The following AASDHPPT variants were observed in gnomAD, a reference collection of about 807,000 sequenced individuals.
AASDHPPT encodes the protein aminoadipate-semialdehyde dehydrogenase-phosphopantetheinyl transferase.
A neutral mutation model predicts 36.4 loss-of-function variants in AASDHPPT; 23 were observed. That is an observed-to-expected ratio of 0.63 (90% CI 0.45 to 0.89). The LOEUF is 0.89. Ranked by LOEUF, AASDHPPT falls within the 40% of genes least tolerant of loss-of-function variation. AASDHPPT has a pLI of 0.00. For synonymous variants in AASDHPPT, 115 were observed against 128.0 expected (o/e 0.90, Z 0.68); for missense variants, 377 against 378.2 (o/e 1.00, Z 0.03).
chr11:106,094,470 G>T, intron 4 of AASDHPPT, 113 bp from the exon 5 acceptor site: 1 of 718,022 alleles, frequency 1.4e-6, no homozygotes. Flanking sequence ...GTGAGTGTAC[G>T]TATATGTATA....
At position 106,077,817 on chromosome 11, in the gene AASDHPPT, C is replaced by A. The variant is rs758287602; in HGVS notation, c.107C>A (p.Ala36Glu). The change falls in exon 1 of 6, where the codon GCA (alanine) becomes GAA (glutamate). Residue 36 changes from alanine (A) to glutamate (E), a missense_variant. Ala to Glu is a moderately radical substitution (Grantham distance 107). Transcript: ENST00000278618. Reference protein sequence around the residue: ...WLPSRAEWLLAVRSIQPEEKE... With the variant: ...WLPSRAEWLLEVRSIQPEEKE... ...CCGAGCCGAGCCGAATGGCTGCTGG[C>A]AGTGCGATCGATTCAGCCCGAGGAG... The A allele has an allele frequency of 2.5e-6, 4 of 1,614,218 alleles. No homozygotes were observed. The highest frequency in any genetic ancestry group is 1.7e-6 in the Non-Finnish European group (2 of 1,180,012).
intron 1 of AASDHPPT, 141 bp downstream of exon 1, chr11:106,078,034 C>T (rs1250527972): frequency 7.0e-6 from 8 of 1,147,150 alleles, no homozygotes; most frequent in Non-Finnish European, 9.6e-6. Flanking sequence ...CGACAGCAGC[C>T]GGCGCTGCGG....
chr11:106,086,055 A>AGGGTACGCGAATGT (rs1861193848), intron 2 of AASDHPPT: 1 of 152,208 alleles, frequency 6.6e-6, no homozygotes. Flanking sequence ...AAAACTCCGA[A>AGGGTACGCGAATGT]GGGTACGCGA....
At chr11:106,083,854 ATTC>A (rs1315397143) in intron 2 of AASDHPPT, among the ~76,000 whole-genome samples, 3 of 152,152 alleles carry the variant, frequency 2.0e-5, no homozygotes, top group Non-Finnish European at 4.4e-5. Flanking sequence ...CTTTTTATGA[ATTC>A]TTTTCAAACG....
In AASDHPPT at chr11:106,097,038, A is replaced by G; in HGVS notation, c.*131A>G. 2.3e-6 allele frequency: 1 copy of G among 436,512 alleles called. No homozygotes were observed. Among genetic ancestry groups the G allele is most frequent in the Non-Finnish European group, 3.4e-6 (1 of 297,680 alleles). The allele number at this position is 436,512 out of a possible 1,614,324, so 27.0% of individuals were successfully genotyped here. A position where few individuals can be genotyped will look rare whatever the true frequency, so the allele number is the denominator to read the frequency against. ...TTAAAGAACAGAAACTTTTCCAATT[A>G]AAAAAAAAAAGCAGACTTCTGGTTC... On this transcript the variant is annotated 3_prime_UTR_variant, in exon 6 of 6. Transcript: ENST00000278618.
At chr11:106,078,517 A>G (rs1339316063) in intron 1 of AASDHPPT, among the ~76,000 whole-genome samples, 2 of 152,146 alleles carry the variant, frequency 1.3e-5, no homozygotes, top group African/African-American at 4.8e-5. Flanking sequence ...TTTCAAAACA[A>G]GTAATCTGTA....
intron 2 of AASDHPPT, among the ~76,000 whole-genome samples, chr11:106,082,002 T>TATA (rs535433959): frequency 5.3e-5 from 8 of 150,344 alleles, no homozygotes; most frequent in East Asian, 1.9e-4. Flanking sequence ...GAACTTAAAG[T>TATA]ATAATAATAA....
chr11:106,094,353 G>GT (rs1861290600), intron 4 of AASDHPPT: 2 of 340,322 alleles, frequency 5.9e-6, no homozygotes, highest in South Asian at 2.0e-4. Context: ...GTAAGAGAAT[G>GT]TGCCTACTAG....
rs1406133350 is a variant in AASDHPPT at position 106,098,657 on chromosome 11, G to T, written c.*1750G>T. 1 of 151,904 alleles carries T rather than the reference G, an allele frequency of 6.6e-6. No homozygotes were observed. Among genetic ancestry groups the T allele is most frequent in the Admixed American group, 6.6e-5 (1 of 15,244 alleles). 9.4% of individuals were successfully genotyped at this position (151,904 alleles called of 1,614,324 possible). On this transcript the variant is annotated 3_prime_UTR_variant, in exon 6 of 6. Transcript: ENST00000278618. ...ATGGTGATATGAAAAACTTTGTCTT[G>T]TCATTATAATAATAAAAAAATGAAC...
intron 4 of AASDHPPT, chr11:106,093,605 A>T (rs987533486): frequency 6.6e-6 from 1 of 152,104 alleles, no homozygotes; most frequent in African/African-American, 2.4e-5. Flanking sequence ...TGAAGATAGG[A>T]AGAAGAAGAT....
chr11:106,085,256 G>A (rs1038519823), intron 2 of AASDHPPT, among the ~76,000 whole-genome samples: 2 of 151,892 alleles, frequency 1.3e-5, no homozygotes, highest in African/African-American at 4.8e-5. Flanking sequence ...CACTTGCCAC[G>A]ACGCCCGGCT....
In AASDHPPT at chr11:106,096,044, G is replaced by A. The variant is rs1861309479; in HGVS notation, c.766-699G>A. Among the ~76,000 whole-genome samples, 3 of 152,080 alleles carry A rather than the reference G, an allele frequency of 2.0e-5. No individual in the cohort carries two copies. In the South Asian group the frequency reaches 6.2e-4, roughly 31 times the overall value. On this transcript the variant is annotated intron_variant, in intron 5 of 5. Transcript: ENST00000278618. ...CCTATGTTTTGAGCTTGGACAAATT[G>A]TTTGAATTGTTTGCTCTTCCTGAGC... is the stretch of plus-strand genomic sequence containing the variant.
intron 4 of AASDHPPT, chr11:106,093,301 A>G (rs1325526118): frequency 1.3e-5 from 2 of 152,224 alleles, no homozygotes; most frequent in African/African-American, 4.8e-5. Context: ...ACCTCTCATT[A>G]TACATTAAGC....
Position 106,097,981 on chromosome 11 carries a change from A to C in AASDHPPT, c.*1074A>C, listed in dbSNP as rs1253260094. The C allele has an allele frequency of 1.3e-5, 2 of 152,124 alleles. No homozygotes were observed. The highest frequency in any genetic ancestry group is 2.9e-5 in the Non-Finnish European group (2 of 67,996). 9.4% of individuals were successfully genotyped at this position (152,124 alleles called of 1,614,324 possible). A position where few individuals can be genotyped will look rare whatever the true frequency, so the allele number is the denominator to read the frequency against. On this transcript the variant is annotated 3_prime_UTR_variant, in exon 6 of 6. Coordinates refer to ENST00000278618, the MANE Select transcript of AASDHPPT (RefSeq NM_015423.3). ...AATGTCCTTGTACATTTTGAGTTAC[A>C]TGCTTAATTATGTCCTTGAGAAAGT...
rs756629309 is a variant in AASDHPPT at position 106,090,604 on chromosome 11, A to C, written c.457A>C (p.Thr153Pro). 2 of 1,600,830 alleles carry C rather than the reference A, an allele frequency of 1.2e-6. No homozygotes were observed. Among genetic ancestry groups the C allele is most frequent in the South Asian group, 2.3e-5 (2 of 88,052 alleles). ...CTTTCATATTATGAAAAGAAAGTTT[A>C]CCAACAAAGAATGGGAAACAATCAG... The part of the protein sequence containing the change: ...EFFHIMKRKF[T>P]NKEWETIRSF... Residue 153 changes from threonine to proline, a missense_variant, in exon 3 of 6, where the codon ACC becomes CCC. By Grantham distance (38) the Thr-to-Pro change is conservative. Transcript: ENST00000278618.
chr11:106,084,557 C>A (rs1483595668), intron 2 of AASDHPPT, among the ~76,000 whole-genome samples: 1 of 151,976 alleles, frequency 6.6e-6, no homozygotes, highest in Admixed American at 6.6e-5. Context: ...CTCAGCCTCC[C>A]AAGTGCTAGG....
intron 2 of AASDHPPT, among the ~76,000 whole-genome samples, chr11:106,090,152 T>C (rs1861240918): frequency 6.6e-6 from 1 of 152,010 alleles, no homozygotes; most frequent in Non-Finnish European, 1.5e-5. Flanking sequence ...TTTAGGAGTA[T>C]TTTAATTGGG....
chr11:106,083,836 C>T (rs927742008), intron 2 of AASDHPPT, among the ~76,000 whole-genome samples: 2 of 151,998 alleles, frequency 1.3e-5, no homozygotes, highest in East Asian at 3.9e-4. Flanking sequence ...TGTCGAGTTG[C>T]AGTAAATCTT....
chr11:106,098,340 A>G lies in AASDHPPT; in HGVS notation c.*1433A>G, dbSNP rs1038192275. The G allele has an allele frequency of 2.0e-5, 3 of 152,136 alleles. No individual in the cohort carries two copies. Among genetic ancestry groups the G allele is most frequent in the Non-Finnish European group, 2.9e-5 (2 of 67,992 alleles). The allele number at this position is 152,136 out of a possible 1,614,324, so 9.4% of individuals were successfully genotyped here. On this transcript the variant is annotated 3_prime_UTR_variant, in exon 6 of 6. Coordinates refer to ENST00000278618, the MANE Select transcript of AASDHPPT (RefSeq NM_015423.3). Reference sequence around the variant, plus strand: ...TTAATTTAAAGTGTGAACTTAATATATAAGATGCCAGGACCATCATATTGA... The same window carrying G: ...TTAATTTAAAGTGTGAACTTAATATGTAAGATGCCAGGACCATCATATTGA...
Sources: gnomAD v4.1 joint callset for allele counts (sites outside exome capture counted in the v4.1 genomes callset) on GRCh38, gnomAD v4.1.1 for gene constraint, MANE v1.5 for transcripts, NCBI Gene and HGNC (gene_info 2026-07-23, HGNC 2026-07-21) for gene names.